Variants in CDC42BPB observed in about 807,000 individuals in gnomAD.
CDC42BPB encodes the protein CDC42 binding protein kinase beta.
A neutral mutation model predicts 214.9 loss-of-function variants in CDC42BPB; 37 were observed. That is an observed-to-expected ratio of 0.17 (90% CI 0.13 to 0.23). The LOEUF is 0.23. Ranked by LOEUF, CDC42BPB falls within the 10% of genes least tolerant of loss-of-function variation. The pLI is 1.00. For synonymous variants in CDC42BPB, 931 were observed against 884.0 expected (o/e 1.05, Z -0.94); for missense variants, 1,694 against 2,227.0 (o/e 0.76, Z 4.82).
intron 16 of CDC42BPB, among the ~76,000 whole-genome samples, chr14:102,967,650 G>A (rs34738319): frequency 0.23 from 34,737 of 152,182 alleles, 5,085 homozygotes; most frequent in South Asian, 0.33. Flanking sequence ...GGACGCTGCC[G>A]GCGGCTGTAG....
Position 102,932,895 on chromosome 14 carries a change from G to A in CDC42BPB, c.*817C>T, listed in dbSNP as rs1891456758. On this transcript the variant is annotated 3_prime_UTR_variant, in exon 37 of 37. Coordinates refer to ENST00000361246, the MANE Select transcript of CDC42BPB (RefSeq NM_006035.4). ...ACTGGTGGGGGGGGGGGCGGGCAGG[G>A]CGGGGCGGGGTGGGGTATCCCAGTG... The A allele has an allele frequency of 7.7e-6, 1 of 130,286 alleles. No homozygotes were observed. Among genetic ancestry groups the A allele is most frequent in the African/African-American group, 3.4e-5 (1 of 29,284 alleles). 8.1% of individuals were successfully genotyped at this position (130,286 alleles called of 1,614,324 possible). A position where few individuals can be genotyped will look rare whatever the true frequency, so the allele number is the denominator to read the frequency against.
intron 27 of CDC42BPB, among the ~76,000 whole-genome samples, chr14:102,947,381 C>T (rs1892230214): frequency 6.6e-6 from 1 of 152,178 alleles, no homozygotes; most frequent in African/African-American, 2.4e-5. Context: ...TGGAGAGGCA[C>T]CTTCATGCCT....
At chr14:103,025,256 G>A (rs199502036) in intron 1 of CDC42BPB, among the ~76,000 whole-genome samples, 9 of 151,998 alleles carry the variant, frequency 5.9e-5, no homozygotes, top group East Asian at 5.8e-4. Flanking sequence ...CACACTGTCC[G>A]ATGTGCCACC....
At chr14:102,960,995 AAAATAAATAAAT>A (rs530956316) in intron 20 of CDC42BPB, among the ~76,000 whole-genome samples, 2 of 151,792 alleles carry the variant, frequency 1.3e-5, no homozygotes, top group Non-Finnish European at 1.5e-5. Context: ...CCCATCTCTA[AAAATAAATAAAT>A]AAATAAATAA....
At chr14:102,963,644 G>A (rs1408506811) in intron 19 of CDC42BPB, among the ~76,000 whole-genome samples, 3 of 152,232 alleles carry the variant, frequency 2.0e-5, no homozygotes, top group East Asian at 1.9e-4. Context: ...TGCAGTTTGT[G>A]GGGGCTGGTC....
chr14:102,945,648 C>A lies in CDC42BPB; in HGVS notation c.3811+14G>T. On this transcript the variant is annotated intron_variant, in intron 29 of 36. Coordinates refer to ENST00000361246, the MANE Select transcript of CDC42BPB (RefSeq NM_006035.4). ...CCTGTGACATCCCAGGCTGGAAACGCCCTGCTCACTCACCATCTCGGGTGA... is the reference window on the plus strand; with the variant it reads ...CCTGTGACATCCCAGGCTGGAAACGACCTGCTCACTCACCATCTCGGGTGA... 6.2e-7 allele frequency: 1 copy of A among 1,611,876 alleles called. No homozygotes were observed. Among genetic ancestry groups the A allele is most frequent in the Middle Eastern group, 1.7e-4 (1 of 6,014 alleles).
At chr14:102,988,012 C>T (rs536278037) in intron 5 of CDC42BPB, among the ~76,000 whole-genome samples, 1 of 152,008 alleles carries the variant, frequency 6.6e-6, no homozygotes, top group Admixed American at 6.6e-5. Context: ...AACACACACG[C>T]ACGCACTAGA....
At chr14:102,941,158 A>AC in intron 30 of CDC42BPB, 1 of 985,434 alleles carries the variant, frequency 1.0e-6, no homozygotes, top group Non-Finnish European at 1.2e-6. Flanking sequence ...CACTGCCCCC[A>AC]CAGCCCCTCA....
At chr14:102,962,748 G>A (rs180988687) in intron 20 of CDC42BPB, among the ~76,000 whole-genome samples, 3 of 152,288 alleles carry the variant, frequency 2.0e-5, no homozygotes, top group Admixed American at 6.5e-5. Context: ...AGCTACTTGC[G>A]AGGCTGAGGC....
At chr14:103,031,404 CA>C (rs1383008513) in intron 1 of CDC42BPB, among the ~76,000 whole-genome samples, 1 of 152,100 alleles carries the variant, frequency 6.6e-6, no homozygotes, top group African/African-American at 2.4e-5. Context: ...TCCAAATAAT[CA>C]ATAAAACTTT....
At chr14:102,969,594 G>A (rs1221237700) in intron 14 of CDC42BPB, among the ~76,000 whole-genome samples, 1 of 152,230 alleles carries the variant, frequency 6.6e-6, no homozygotes, top group Non-Finnish European at 1.5e-5. Context: ...CCCATCGCAC[G>A]CGGCTCACAC....
intron 23 of CDC42BPB, among the ~76,000 whole-genome samples, chr14:102,953,929 G>A (rs920804851): frequency 1.3e-5 from 2 of 152,200 alleles, no homozygotes; most frequent in Non-Finnish European, 2.9e-5. Flanking sequence ...AATGAGAGAA[G>A]GAGAGTGGGG....
At position 102,943,822 on chromosome 14, in the gene CDC42BPB, A is replaced by G; in HGVS notation, c.4408+69T>C. ...GGACTGGAAGACAAACCAAAGCAAA[A>G]TCGAACACATGCTGACTGTCGGTGG... is the stretch of plus-strand genomic sequence containing the variant. On this transcript the variant is annotated intron_variant, in intron 30 of 36. Coordinates refer to ENST00000361246, the MANE Select transcript of CDC42BPB (RefSeq NM_006035.4). This position sits in a 1 kb window ranked among gnomAD's most constrained non-coding sequence, Gnocchi z 4.6. 6.9e-7 allele frequency: 1 copy of G among 1,445,936 alleles called. No homozygotes were observed. Among genetic ancestry groups the G allele is most frequent in the Non-Finnish European group, 9.3e-7 (1 of 1,069,816 alleles). 89.6% of individuals were successfully genotyped at this position (1,445,936 alleles called of 1,614,324 possible). A position where few individuals can be genotyped will look rare whatever the true frequency, so the allele number is the denominator to read the frequency against.
At chr14:102,940,893 T>C (rs1415077202) in intron 30 of CDC42BPB, 3 of 171,134 alleles carry the variant, frequency 1.8e-5, no homozygotes, top group African/African-American at 2.4e-5. Flanking sequence ...TCTGAGGGCA[T>C]ATGCAAGCGA....
chr14:103,002,217 G>A (rs988592856), intron 4 of CDC42BPB, among the ~76,000 whole-genome samples: 7 of 152,088 alleles, frequency 4.6e-5, no homozygotes, highest in Non-Finnish European at 7.4e-5. Context: ...AACCCTCAAC[G>A]CCCCCGCTCA....
intron 11 of CDC42BPB, 147 bp downstream of exon 11, chr14:102,975,537 G>C: frequency 2.3e-6 from 2 of 853,852 alleles, no homozygotes; most frequent in South Asian, 3.4e-5. Flanking sequence ...AAAAACAACT[G>C]ACCAAAATTT....
At chr14:102,966,925 G>C (rs765948835) in intron 17 of CDC42BPB, 121 bp downstream of exon 17, 1 of 1,181,348 alleles carries the variant, frequency 8.5e-7, no homozygotes, top group Non-Finnish European at 1.2e-6. Flanking sequence ...AGTGAGACCT[G>C]CACCCCAGCC....
intron 19 of CDC42BPB, chr14:102,963,435 G>A (rs35162324): frequency 0.021 from 5,403 of 257,894 alleles, 86 homozygotes; most frequent in Non-Finnish European, 0.025. Flanking sequence ...GTTCCCAGGC[G>A]AGTCCTCTGT....
chr14:102,972,631 G>C (rs537406337), intron 12 of CDC42BPB, among the ~76,000 whole-genome samples: 3 of 143,094 alleles, frequency 2.1e-5, no homozygotes, highest in African/African-American at 7.7e-5. Context: ...AGAGGTTGCA[G>C]TGAGCCGAGA....
Sources: gnomAD v4.1 joint callset for allele counts (sites outside exome capture counted in the v4.1 genomes callset) on GRCh38, gnomAD v4.1.1 for gene constraint, Gnocchi (gnomAD v3.1) non-coding constraint, MANE v1.5 for transcripts, NCBI Gene and HGNC (gene_info 2026-07-23, HGNC 2026-07-21) for gene names.